Variants in PDGFC observed in about 807,000 individuals in gnomAD.
PDGFC encodes platelet derived growth factor C.
PDGFC carries 12 observed loss-of-function variants against 35.5 expected under a neutral mutation model. The ratio of observed to expected loss-of-function variants is 0.34; its 90% CI spans 0.22 to 0.55. PDGFC has a LOEUF of 0.55. Among genes scored for constraint, PDGFC ranks in the 20% least tolerant of loss-of-function variants. The probability of loss-of-function intolerance (pLI) is 0.91; values close to 1 mark genes in which losing one functional copy is unlikely to be tolerated. For synonymous variants in PDGFC, 159 were observed against 148.8 expected (o/e 1.07, Z -0.50); for missense variants, 322 against 412.4 (o/e 0.78, Z 1.90).
intron 1 of PDGFC, among the ~76,000 whole-genome samples, chr4:156,937,196 T>TA (rs1731704072): frequency 6.6e-6 from 1 of 152,286 alleles, no homozygotes; most frequent in Middle Eastern, 3.4e-3. Context: ...AAGGATATAC[T>TA]AAGAGAATGG....
rs1471756307 is a variant in PDGFC at position 156,971,540 on chromosome 4, G to A, written c.-637C>T. On this transcript the variant is annotated 5_prime_UTR_variant, in exon 1 of 6. Coordinates refer to ENST00000502773, the MANE Select transcript of PDGFC (RefSeq NM_016205.3). ...ACGGCGGCCCGGGCGCAGGCGGAGA[G>A]AGGCCGCGGGGCTCCCGCTCCTCAG... 5.6e-6 allele frequency: 1 copy of A among 177,278 alleles called. No homozygotes were observed. Among genetic ancestry groups the A allele is most frequent in the African/African-American group, 2.4e-5 (1 of 41,774 alleles). 11.0% of individuals were successfully genotyped at this position (177,278 alleles called of 1,614,324 possible). A position where few individuals can be genotyped will look rare whatever the true frequency, so the allele number is the denominator to read the frequency against.
intron 1 of PDGFC, among the ~76,000 whole-genome samples, chr4:156,906,249 A>C (rs1338208182): frequency 2.6e-5 from 4 of 152,186 alleles, no homozygotes; most frequent in Non-Finnish European, 2.9e-5. Context: ...TTAATGTCAT[A>C]AATTTTGAAT....
chr4:156,769,304 C>T (rs1488713435), intron 4 of PDGFC, among the ~76,000 whole-genome samples: 1 of 151,712 alleles, frequency 6.6e-6, no homozygotes, highest in Non-Finnish European at 1.5e-5. Context: ...TTTTAAGTGA[C>T]AAGGTAAGAA....
At chr4:156,924,787 T>C (rs577004104) in intron 1 of PDGFC, among the ~76,000 whole-genome samples, 2 of 152,294 alleles carry the variant, frequency 1.3e-5, no homozygotes, top group African/African-American at 4.8e-5. Flanking sequence ...GGGATAGTTA[T>C]ACACCAAATA....
chr4:156,816,773 ATC>A (rs1426218941), intron 2 of PDGFC, among the ~76,000 whole-genome samples: 1 of 152,174 alleles, frequency 6.6e-6, no homozygotes, highest in Non-Finnish European at 1.5e-5. Context: ...ATATAATTAT[ATC>A]TGCTTTATTT....
chr4:156,787,750 C>T (rs939880839), intron 3 of PDGFC, among the ~76,000 whole-genome samples: 7 of 152,086 alleles, frequency 4.6e-5, no homozygotes, highest in Admixed American at 1.3e-4. Flanking sequence ...AAACAATGTT[C>T]GCCTAGGGTC....
At chr4:156,956,058 T>C (rs1300327493) in intron 1 of PDGFC, among the ~76,000 whole-genome samples, 3 of 152,006 alleles carry the variant, frequency 2.0e-5, no homozygotes, top group East Asian at 1.9e-4. Context: ...ACAACACTGA[T>C]TATGAACATC....
intron 1 of PDGFC, among the ~76,000 whole-genome samples, chr4:156,875,754 AT>A (rs1379817514): frequency 6.6e-6 from 1 of 152,024 alleles, no homozygotes; most frequent in East Asian, 1.9e-4. Flanking sequence ...CCCATCTCTA[AT>A]AAAAATACAA....
chr4:156,927,151 G>A (rs1179615832), intron 1 of PDGFC, among the ~76,000 whole-genome samples: 2 of 152,270 alleles, frequency 1.3e-5, no homozygotes, highest in Non-Finnish European at 2.9e-5. Context: ...CGAGTGGCTG[G>A]AGAGCAGGGC....
chr4:156,829,242 T>A (rs954468710), intron 2 of PDGFC, among the ~76,000 whole-genome samples: 3 of 152,184 alleles, frequency 2.0e-5, no homozygotes, highest in Non-Finnish European at 4.4e-5. Flanking sequence ...AGAAATGGAT[T>A]GTTGAACGAG....
intron 1 of PDGFC, among the ~76,000 whole-genome samples, chr4:156,872,731 G>T (rs17035387): frequency 3.3e-5 from 5 of 152,112 alleles, no homozygotes; most frequent in African/African-American, 1.2e-4. Context: ...CTTTGATAAG[G>T]AATGCTTCTG....
intron 1 of PDGFC, among the ~76,000 whole-genome samples, chr4:156,927,849 C>T (rs983757309): frequency 2.6e-5 from 4 of 152,104 alleles, no homozygotes. Context: ...CAGTGCCCCA[C>T]TCTACTGGTA....
At chr4:156,969,130 C>T (rs1322573950) in intron 1 of PDGFC, among the ~76,000 whole-genome samples, 3 of 152,082 alleles carry the variant, frequency 2.0e-5, no homozygotes, top group Non-Finnish European at 1.5e-5. Flanking sequence ...GGGACAGGAA[C>T]AATAAAAAAC....
chr4:156,835,875 C>T (rs956747379), intron 2 of PDGFC: 1 of 152,044 alleles, frequency 6.6e-6, no homozygotes, highest in Admixed American at 6.6e-5. Context: ...ACTAGTAATC[C>T]CAATACTTTG....
At chr4:156,959,905 C>A (rs6536213) in intron 1 of PDGFC, among the ~76,000 whole-genome samples, 12,012 of 151,834 alleles carry the variant, frequency 0.079, 1,392 homozygotes, top group African/African-American at 0.26. Context: ...GATGCCTATT[C>A]AAAGTTATCA....
At chr4:156,943,943 T>A (rs141711476) in intron 1 of PDGFC, among the ~76,000 whole-genome samples, 12 of 152,272 alleles carry the variant, frequency 7.9e-5, no homozygotes, top group Non-Finnish European at 7.4e-5. Flanking sequence ...AAAACAAATA[T>A]GTTGTGTTAG....
chr4:156,963,335 T>C lies in PDGFC; in HGVS notation c.118+7451A>G, dbSNP rs370120094. On this transcript the variant is annotated intron_variant, in intron 1 of 5. Transcript: ENST00000502773. ...AAATACAAATATTAGCAGGGAGTGG[T>C]GGCACACACCTGTAATCCCAGCTAC... is the stretch of plus-strand genomic sequence containing the variant. Among the ~76,000 whole-genome samples, 21 of 152,038 alleles carry C rather than the reference T, an allele frequency of 1.4e-4. No individual in the cohort carries two copies. In the East Asian group the frequency reaches 3.5e-3, roughly 25 times the overall value.
At chr4:156,957,936 C>T (rs1489948880) in intron 1 of PDGFC, among the ~76,000 whole-genome samples, 1 of 151,936 alleles carries the variant, frequency 6.6e-6, no homozygotes, top group Non-Finnish European at 1.5e-5. Flanking sequence ...AAATCCTATC[C>T]CACCTTTGAT....
At chr4:156,936,622 G>A (rs1731690079) in intron 1 of PDGFC, among the ~76,000 whole-genome samples, 3 of 152,170 alleles carry the variant, frequency 2.0e-5, no homozygotes, top group Non-Finnish European at 2.9e-5. Flanking sequence ...GGAAAAAGAG[G>A]AAATATTTGA....
Sources: gnomAD v4.1 joint callset for allele counts (sites outside exome capture counted in the v4.1 genomes callset) on GRCh38, gnomAD v4.1.1 for gene constraint, MANE v1.5 for transcripts, NCBI Gene and HGNC (gene_info 2026-07-23, HGNC 2026-07-21) for gene names.